LMO7: variants seen among roughly 807,000 people sequenced by gnomAD.
The protein encoded by LMO7 is LIM domain 7.
A neutral mutation model predicts 206.5 loss-of-function variants in LMO7; 120 were observed. The observed-to-expected ratio is 0.58, with a 90% confidence interval of 0.50 to 0.68. The LOEUF (loss-of-function observed/expected upper bound fraction) is 0.68. LMO7 is among the 30% of genes least tolerant of loss of function. The pLI, the probability that LMO7 is intolerant of heterozygous loss-of-function variation, is 0.00. For synonymous variants in LMO7, 706 were observed against 681.5 expected, an observed-to-expected ratio of 1.04 and a Z score of -0.56; for missense variants, 1,959 against 1,957.9, an observed-to-expected ratio of 1.00 and a Z score of -0.01.
At chr13:75,771,134 A>AT (rs986650254) in intron 4 of LMO7, among the ~76,000 whole-genome samples, 8 of 151,888 alleles carry the variant, frequency 5.3e-5, no homozygotes, top group Non-Finnish European at 7.4e-5. Flanking sequence ...ATGATCTAAA[A>AT]TTTTTTTTCT....
intron 15 of LMO7, among the ~76,000 whole-genome samples, chr13:75,824,723 T>C (rs1453920010): frequency 6.6e-6 from 1 of 152,154 alleles, no homozygotes; most frequent in Admixed American, 6.6e-5. Flanking sequence ...TGGCTTGGTT[T>C]AGTATTCCCT....
At position 75,842,842 on chromosome 13, in the gene LMO7, A is replaced by T; in HGVS notation, c.4032-9A>T. 28 of 1,578,808 alleles carry T rather than the reference A, an allele frequency of 1.8e-5. No individual in the cohort carries two copies. The highest frequency in any genetic ancestry group is 2.4e-5 in the Non-Finnish European group (28 of 1,150,998). Reference sequence around the variant, plus strand: ...TATTTTGACAACAAAATCTTTTTCTATCTTTTAGGCCTGTTGATTCCTATG... The same window carrying T: ...TATTTTGACAACAAAATCTTTTTCTTTCTTTTAGGCCTGTTGATTCCTATG... On this transcript the variant is annotated splice_polypyrimidine_tract_variant and intron_variant, in intron 24 of 30. Coordinates refer to ENST00000377534, the MANE Select transcript of LMO7 (RefSeq NM_001306080.2).
At chr13:75,795,958 T>G (rs2053953361) in intron 5 of LMO7, among the ~76,000 whole-genome samples, 1 of 152,130 alleles carries the variant, frequency 6.6e-6, no homozygotes, top group South Asian at 2.1e-4. Flanking sequence ...TGCACATATA[T>G]CCCAGAACTT....
intron 4 of LMO7, among the ~76,000 whole-genome samples, chr13:75,783,168 A>C (rs1397350215): frequency 2.0e-5 from 3 of 152,254 alleles, no homozygotes. Context: ...GCATATACAT[A>C]ACCATTTTGG....
At chr13:75,779,575 A>G (rs1165319968) in intron 4 of LMO7, among the ~76,000 whole-genome samples, 1 of 152,242 alleles carries the variant, frequency 6.6e-6, no homozygotes, top group Non-Finnish European at 1.5e-5. Context: ...TGATTTATAC[A>G]GGATGATTGG....
At chr13:75,632,471 G>C (rs1247696252), upstream of LMO7, among the ~76,000 whole-genome samples, 1 of 152,104 alleles carries the variant, frequency 6.6e-6, no homozygotes, top group Non-Finnish European at 1.5e-5. Flanking sequence ...CATTTATTGA[G>C]TGCCTACTCT....
intron 2 of LMO7, among the ~76,000 whole-genome samples, chr13:75,723,462 G>T (rs1459121866): frequency 6.6e-6 from 1 of 152,088 alleles, no homozygotes; most frequent in Admixed American, 6.6e-5. Context: ...GAGCTCAAAA[G>T]GTGTCCATAA....
intron 4 of LMO7, among the ~76,000 whole-genome samples, chr13:75,766,259 T>TG (rs1263162476): frequency 3.7e-5 from 4 of 108,294 alleles, no homozygotes; most frequent in Non-Finnish European, 8.0e-5. Context: ...TTTTTTTTTA[T>TG]GTGAGCTTTA....
chr13:75,742,754 A>C (rs974722146), intron 3 of LMO7, among the ~76,000 whole-genome samples: 14 of 152,194 alleles, frequency 9.2e-5, no homozygotes, highest in African/African-American at 3.1e-4. Context: ...ATGTAAAACC[A>C]CAAACTATAA....
At chr13:75,719,540 T>A (rs2043846932) in intron 2 of LMO7, among the ~76,000 whole-genome samples, 1 of 152,098 alleles carries the variant, frequency 6.6e-6, no homozygotes, top group African/African-American at 2.4e-5. Flanking sequence ...GCTGTTCTCA[T>A]GATAGTGAGT....
In LMO7 at chr13:75,856,486, CT is replaced by C. The variant is rs751906309; in HGVS notation, c.4771-10del. On this transcript the variant is annotated intron_variant, in intron 29 of 30. Transcript: ENST00000377534. ...CTTGAGCTGACTGATTGTAGATGTT[CT>C]TTTTTTTTTGTTCCCCAGTGTGTTG... 12,913 of 1,218,428 alleles carry C rather than the reference CT, an allele frequency of 0.011. No homozygotes were observed. The highest frequency in any genetic ancestry group is 0.011 in the Non-Finnish European group (9,963 of 881,304). The allele number at this position is 1,218,428 out of a possible 1,614,324, so 75.5% of individuals were successfully genotyped here. A position where few individuals can be genotyped will look rare whatever the true frequency, so the allele number is the denominator to read the frequency against.
At position 75,662,224 on chromosome 13, in the gene LMO7, A is replaced by G. The variant is rs987523394; in HGVS notation, c.69+25498A>G. Among the ~76,000 whole-genome samples, 3 of 152,242 alleles carry G rather than the reference A, an allele frequency of 2.0e-5. No homozygotes were observed. In the East Asian group the frequency reaches 5.8e-4, roughly 29 times the overall value. ...ATGAATATAAGCACACATTTTGCAC[A>G]TAATTTCAGTGGTTTCATGAATCCC... On this transcript the variant is annotated intron_variant, in intron 1 of 30. Transcript: ENST00000377534.
At chr13:75,647,951 CT>C (rs570513211) in intron 1 of LMO7, among the ~76,000 whole-genome samples, 100 of 91,148 alleles carry the variant, frequency 1.1e-3, no homozygotes, top group South Asian at 1.4e-3. Context: ...TCTTTTCTTT[CT>C]TTTTTTTTTT....
rs144206391 is a variant in LMO7, at chr13:75,843,983, A to C, written c.4097+1067A>C. ...TCTAGTGATAGATGACCTTGTTTATAATCTTTCTGGGTAACTGTAAATCAT... is the reference window on the plus strand; with the variant it reads ...TCTAGTGATAGATGACCTTGTTTATCATCTTTCTGGGTAACTGTAAATCAT... On this transcript the variant is annotated intron_variant, in intron 25 of 30. Transcript: ENST00000377534. Among the ~76,000 whole-genome samples the C allele has an allele frequency of 3.2e-3, 487 of 152,344 alleles. 2 individuals are homozygous for C. The highest frequency in any genetic ancestry group is 0.011 in the African/African-American group (448 of 41,580).
rs187542532 is a variant in LMO7 at position 75,768,841 on chromosome 13, A to G, written c.317+7803A>G. Among the ~76,000 whole-genome samples, 48 of 152,220 alleles carry G rather than the reference A, an allele frequency of 3.2e-4. No individual in the cohort carries two copies. The Middle Eastern group carries it at 0.01, about 32-fold the overall frequency. ...TACATCGCAGTCACATTTTCCTCTT[A>G]GAGAAAACTTAGCTGCTCCTTTTGG... is the stretch of plus-strand genomic sequence containing the variant. On this transcript the variant is annotated intron_variant, in intron 4 of 30. Transcript: ENST00000377534.
At chr13:75,779,013 A>G (rs2050916963) in intron 4 of LMO7, among the ~76,000 whole-genome samples, 1 of 152,118 alleles carries the variant, frequency 6.6e-6, no homozygotes, top group African/African-American at 2.4e-5. Flanking sequence ...AGAGATATTT[A>G]GGAGCTCGAA....
intron 3 of LMO7, among the ~76,000 whole-genome samples, chr13:75,749,775 G>T (rs1416950551): frequency 5.3e-5 from 8 of 151,278 alleles, no homozygotes; most frequent in Admixed American, 5.3e-4. Flanking sequence ...AAACTTTACG[G>T]CTTTCCTTGT....
intron 3 of LMO7, among the ~76,000 whole-genome samples, chr13:75,728,427 G>A (rs896249985): frequency 7.9e-5 from 12 of 151,904 alleles, no homozygotes; most frequent in Admixed American, 2.0e-4. Context: ...GTCTTCTTTT[G>A]AGAAGTGTCT....
chr13:75,757,263 A>T (rs1469114715), intron 3 of LMO7, among the ~76,000 whole-genome samples: 2 of 152,178 alleles, frequency 1.3e-5, no homozygotes, highest in African/African-American at 4.8e-5. Flanking sequence ...AAGCCTTGGG[A>T]TGACTGTAGT....
Sources: gnomAD v4.1 joint callset for allele counts (sites outside exome capture counted in the v4.1 genomes callset) on GRCh38, gnomAD v4.1.1 for gene constraint, MANE v1.5 for transcripts, NCBI Gene and HGNC (gene_info 2026-07-23, HGNC 2026-07-21) for gene names.